The following BRIP1 variants were observed in gnomAD, a reference collection of about 807,000 sequenced individuals.
BRIP1 encodes the protein Fanconi anemia group J protein.
BRIP1 carries 88 observed loss-of-function variants against 119.7 expected under a neutral mutation model. The observed-to-expected ratio is 0.74, with a 90% CI of 0.62 to 0.88. BRIP1 has a LOEUF of 0.88. BRIP1 is among the 40% of genes least tolerant of loss of function. The probability of loss-of-function intolerance (pLI) is 0.00; values close to 1 mark genes in which losing one functional copy is unlikely to be tolerated. For synonymous variants in BRIP1, 443 were observed against 496.5 expected (o/e 0.89, Z 1.43); for missense variants, 1,259 against 1,455.4 (o/e 0.87, Z 2.20).
rs1250004776 is a variant in BRIP1 at position 61,762,796 on chromosome 17, A to G, written c.2097+13605T>C. On this transcript the variant is annotated intron_variant, in intron 14 of 19. Coordinates refer to ENST00000259008, the MANE Select transcript of BRIP1 (RefSeq NM_032043.3). The surrounding 1 kb of genome is among the most constrained non-coding windows in gnomAD (Gnocchi z 4.3). ...GGTAAGAATGTAAATTAGTACAGCC[A>G]TTATAAAAAACTGAATGGACATTAC... Among the ~76,000 whole-genome samples the G allele has an allele frequency of 6.6e-6, 1 of 152,180 alleles. No homozygotes were observed. Among genetic ancestry groups the G allele is most frequent in the Admixed American group, 6.6e-5 (1 of 15,246 alleles).
intron 17 of BRIP1, among the ~76,000 whole-genome samples, chr17:61,698,699 AT>A (rs913204995): frequency 1.3e-5 from 2 of 150,234 alleles, no homozygotes; most frequent in African/African-American, 2.4e-5. Flanking sequence ...TAGACTTGTT[AT>A]TTTTTTTTAT....
Position 61,860,246 on chromosome 17 carries a change from C to A in BRIP1, c.94-339G>T, listed in dbSNP as rs1390979357. ...ATGAAGGATACTGCTAGTGAGAGTACAAATTGTTACAACTACTTGGTAGAG... is the reference window on the plus strand; with the variant it reads ...ATGAAGGATACTGCTAGTGAGAGTAAAAATTGTTACAACTACTTGGTAGAG... On this transcript the variant is annotated intron_variant, in intron 2 of 19. Transcript: ENST00000259008. This position sits in a 1 kb window ranked among gnomAD's most constrained non-coding sequence, Gnocchi z 4.1. 6.6e-6 allele frequency among the ~76,000 whole-genome samples: 1 copy of A among 152,202 alleles called. No individual in the cohort carries two copies. Among genetic ancestry groups the A allele is most frequent in the African/African-American group, 2.4e-5 (1 of 41,442 alleles).
chr17:61,739,138 C>A lies in BRIP1; in HGVS notation c.2379+3875G>T. 5.6e-6 allele frequency: 1 copy of A among 178,854 alleles called. No individual in the cohort carries two copies. Among genetic ancestry groups the A allele is most frequent in the Non-Finnish European group, 1.2e-5 (1 of 83,320 alleles). 11.1% of individuals were successfully genotyped at this position (178,854 alleles called of 1,614,324 possible). ...AAAGAAGGGAAAAGGATTCTTTCCA[C>A]TTTAACAAAGCAGCCTTAGTGCAAT... On this transcript the variant is annotated intron_variant, in intron 16 of 19. Transcript: ENST00000259008. The surrounding 1 kb of genome is among the most constrained non-coding windows in gnomAD (Gnocchi z 6.0).
Position 61,844,003 on chromosome 17 carries a change from C to T in BRIP1, c.627+3098G>A, listed in dbSNP as rs1331964872. ...ACAGTGGTTCAATCATAGTTCAATA[C>T]AGCCTCAATCTTCTGGCTCAAGGGA... On this transcript the variant is annotated intron_variant, in intron 6 of 19. Coordinates refer to ENST00000259008, the MANE Select transcript of BRIP1 (RefSeq NM_032043.3). This position sits in a 1 kb window ranked among gnomAD's most constrained non-coding sequence, Gnocchi z 4.7. 1.3e-5 allele frequency among the ~76,000 whole-genome samples: 2 copies of T among 151,990 alleles called. No individual in the cohort carries two copies. Among genetic ancestry groups the T allele is most frequent in the Non-Finnish European group, 2.9e-5 (2 of 67,994 alleles).
At chr17:61,711,171 GAGA>G (rs1222230718) in intron 17 of BRIP1, among the ~76,000 whole-genome samples, 1 of 152,058 alleles carries the variant, frequency 6.6e-6, no homozygotes, top group East Asian at 1.9e-4. Context: ...AATATATGTG[GAGA>G]AGGTTTGTAA....
chr17:61,696,390 A>G (rs549438619), intron 17 of BRIP1, among the ~76,000 whole-genome samples: 11 of 152,270 alleles, frequency 7.2e-5, no homozygotes, highest in Admixed American at 6.5e-4. Context: ...TTCTATAGTC[A>G]TATGAAATAT....
chr17:61,716,602 T>C (rs2061866997), intron 16 of BRIP1, among the ~76,000 whole-genome samples: 1 of 152,084 alleles, frequency 6.6e-6, no homozygotes. Context: ...GTTCATTCTT[T>C]TACGTTTATC....
rs761305094 is a variant in BRIP1, at chr17:61,754,994, T to C, written c.2098-10403A>G. 9.9e-5 allele frequency among the ~76,000 whole-genome samples: 15 copies of C among 152,166 alleles called. No homozygotes were observed. Among genetic ancestry groups the C allele is most frequent in the Non-Finnish European group, 2.2e-4 (15 of 68,026 alleles). On this transcript the variant is annotated intron_variant, in intron 14 of 19. Transcript: ENST00000259008. This position sits in a 1 kb window ranked among gnomAD's most constrained non-coding sequence, Gnocchi z 4.1. The stretch of plus-strand genomic sequence containing the variant: ...GTATACAAACATTCAGTCCATAATA[T>C]CATCTAACATATTAGTAGCTTTCTG...
rs993898067 is a variant in BRIP1, at chr17:61,752,035, G to A, written c.2098-7444C>T. Among the ~76,000 whole-genome samples, 5 of 152,030 alleles carry A rather than the reference G, an allele frequency of 3.3e-5. No individual in the cohort carries two copies. The highest frequency in any genetic ancestry group is 1.9e-4 in the East Asian group (1 of 5,186). ...CCACCCCTCAGCCTCCCAAAGTGCC[G>A]GGATCACAGGCATGACCCACTGCGC... is the stretch of plus-strand genomic sequence containing the variant. On this transcript the variant is annotated intron_variant, in intron 14 of 19. Transcript: ENST00000259008. The surrounding 1 kb of genome is among the most constrained non-coding windows in gnomAD (Gnocchi z 6.2).
rs926482425 is a variant in BRIP1 at position 61,690,744 on chromosome 17, G to A, written c.2575+2686C>T. Reference sequence around the variant, plus strand: ...GGAATCCAAATTGAAAAAGAATAAAGTGAAATGATCTCTCTTTGCAGATGA... The same window carrying A: ...GGAATCCAAATTGAAAAAGAATAAAATGAAATGATCTCTCTTTGCAGATGA... On this transcript the variant is annotated intron_variant, in intron 18 of 19. Coordinates refer to ENST00000259008, the MANE Select transcript of BRIP1 (RefSeq NM_032043.3). This position sits in a 1 kb window ranked among gnomAD's most constrained non-coding sequence, Gnocchi z 5.6. 3.3e-5 allele frequency among the ~76,000 whole-genome samples: 5 copies of A among 152,032 alleles called. No individual in the cohort carries two copies. Among genetic ancestry groups the A allele is most frequent in the Non-Finnish European group, 7.4e-5 (5 of 68,000 alleles).
rs2077291144 is a variant in BRIP1 at position 61,762,434 on chromosome 17, G to A, written c.2097+13967C>T. ...CAAAGAGAAAACAATAAACAAAGTG[G>A]CAACCTACAGATTGGGAGAAAATAT... is the stretch of plus-strand genomic sequence containing the variant. On this transcript the variant is annotated intron_variant, in intron 14 of 19. Coordinates refer to ENST00000259008, the MANE Select transcript of BRIP1 (RefSeq NM_032043.3). The surrounding 1 kb of genome is among the most constrained non-coding windows in gnomAD (Gnocchi z 4.3). Among the ~76,000 whole-genome samples the A allele has an allele frequency of 2.6e-5, 4 of 151,986 alleles. No homozygotes were observed. The highest frequency in any genetic ancestry group is 7.2e-5 in the African/African-American group (3 of 41,420).
rs1434063562 is a variant in BRIP1 at position 61,754,574 on chromosome 17, A to G, written c.2098-9983T>C. 6.6e-6 allele frequency among the ~76,000 whole-genome samples: 1 copy of G among 152,170 alleles called. No homozygotes were observed. The highest frequency in any genetic ancestry group is 2.4e-5 in the African/African-American group (1 of 41,438). On this transcript the variant is annotated intron_variant, in intron 14 of 19. Coordinates refer to ENST00000259008, the MANE Select transcript of BRIP1 (RefSeq NM_032043.3). The surrounding 1 kb of genome is among the most constrained non-coding windows in gnomAD (Gnocchi z 4.1). The stretch of plus-strand genomic sequence containing the variant: ...TCCCCTCAGGCTACCACACAAAAAT[A>G]TCAGACTGAATGGCTTAAACAAAAG...
rs188681892 is a variant in BRIP1, at chr17:61,814,186, C to T, written c.628-5429G>A. Among the ~76,000 whole-genome samples the T allele has an allele frequency of 2.6e-5, 4 of 151,854 alleles. No homozygotes were observed. The South Asian group carries it at 8.3e-4, about 31-fold the overall frequency. On this transcript the variant is annotated intron_variant, in intron 6 of 19. Coordinates refer to ENST00000259008, the MANE Select transcript of BRIP1 (RefSeq NM_032043.3). This position sits in a 1 kb window ranked among gnomAD's most constrained non-coding sequence, Gnocchi z 4.9. ...TCCATAGGAAGATATCTTTTATGATCGAAATGTAGAGAAGGATTTCCTAAA... is the reference window on the plus strand; with the variant it reads ...TCCATAGGAAGATATCTTTTATGATTGAAATGTAGAGAAGGATTTCCTAAA...
At position 61,848,629 on chromosome 17, in the gene BRIP1, T is replaced by A. The variant is rs1487082284; in HGVS notation, c.507+500A>T. ...CTGCATCCAAATTTCATTTAAAATA[T>A]CTGGTAATTCAAGCCTTTTAGTAAT... On this transcript the variant is annotated intron_variant, in intron 5 of 19. Transcript: ENST00000259008. The surrounding 1 kb of genome is among the most constrained non-coding windows in gnomAD (Gnocchi z 4.3). Among the ~76,000 whole-genome samples the A allele has an allele frequency of 6.6e-6, 1 of 152,212 alleles. No individual in the cohort carries two copies. Among genetic ancestry groups the A allele is most frequent in the Non-Finnish European group, 1.5e-5 (1 of 68,036 alleles).
Position 61,847,094 on chromosome 17 carries a change from T to C in BRIP1, c.627+7A>G, listed in dbSNP as rs1060504334. 1 of 1,613,808 alleles carries C rather than the reference T, an allele frequency of 6.2e-7. No homozygotes were observed. Among genetic ancestry groups the C allele is most frequent in the Middle Eastern group, 1.7e-4 (1 of 6,048 alleles). Reference sequence around the variant, plus strand: ...CTTTAAAACTGAACAATGGCATTAATACATACTTTCTGTGGCGAAAAGGAG... The same window carrying C: ...CTTTAAAACTGAACAATGGCATTAACACATACTTTCTGTGGCGAAAAGGAG... On this transcript the variant is annotated splice_region_variant and intron_variant, in intron 6 of 19. Transcript: ENST00000259008.
rs572801190 is a variant in BRIP1, at chr17:61,736,138, C to T, written c.2379+6875G>A. ...GCCAGGAGTTCAAGGCCAGCTTGTA[C>T]AACATAGCAAGACCTCGCCTCTCCA... On this transcript the variant is annotated intron_variant, in intron 16 of 19. Coordinates refer to ENST00000259008, the MANE Select transcript of BRIP1 (RefSeq NM_032043.3). This position sits in a 1 kb window ranked among gnomAD's most constrained non-coding sequence, Gnocchi z 4.4. Among the ~76,000 whole-genome samples the T allele has an allele frequency of 6.7e-4, 101 of 150,698 alleles. No individual in the cohort carries two copies. The highest frequency in any genetic ancestry group is 1.2e-3 in the Non-Finnish European group (82 of 67,752).
rs1394908265 is a variant in BRIP1, at chr17:61,691,274, G to A, written c.2575+2156C>T. On this transcript the variant is annotated intron_variant, in intron 18 of 19. Coordinates refer to ENST00000259008, the MANE Select transcript of BRIP1 (RefSeq NM_032043.3). This position sits in a 1 kb window ranked among gnomAD's most constrained non-coding sequence, Gnocchi z 5.0. ...ATTAAAATAAAAAAACTCAAACCAG[G>A]GAAAAAAAATAGCATCAAAAATAAT... 6.7e-6 allele frequency among the ~76,000 whole-genome samples: 1 copy of A among 150,320 alleles called. No individual in the cohort carries two copies. The highest frequency in any genetic ancestry group is 1.5e-5 in the Non-Finnish European group (1 of 67,424).
rs1054050314 is a variant in BRIP1 at position 61,843,346 on chromosome 17, T to C, written c.627+3755A>G. ...ATATTCTAGGCTGGATATTTCGATA[T>C]TGGCTTTAAAATTTTCAGGTGTTCT... is the stretch of plus-strand genomic sequence containing the variant. On this transcript the variant is annotated intron_variant, in intron 6 of 19. Transcript: ENST00000259008. The surrounding 1 kb of genome is among the most constrained non-coding windows in gnomAD (Gnocchi z 5.7). Among the ~76,000 whole-genome samples the C allele has an allele frequency of 2.6e-5, 4 of 152,144 alleles. No individual in the cohort carries two copies. The highest frequency in any genetic ancestry group is 9.7e-5 in the African/African-American group (4 of 41,426).
At chr17:61,850,549 C>T (rs550320938) in intron 4 of BRIP1, among the ~76,000 whole-genome samples, 1 of 152,106 alleles carries the variant, frequency 6.6e-6, no homozygotes, top group African/African-American at 2.4e-5. Flanking sequence ...AATTTGAGGC[C>T]GGCCCCAGTG....
Sources: allele counts gnomAD v4.1 joint callset (sites outside exome capture counted in the v4.1 genomes callset), GRCh38; gene constraint gnomAD v4.1.1; non-coding constraint Gnocchi (gnomAD v3.1); transcripts MANE v1.5; gene names NCBI Gene and HGNC (gene_info 2026-07-23, HGNC 2026-07-21).